Variants in DCUN1D5 observed in about 807,000 individuals in gnomAD.
DCUN1D5 encodes the protein DCN1-like protein 5.
In DCUN1D5, 10 loss-of-function variants were observed where a neutral mutation model predicts 38.3. The ratio of observed to expected loss-of-function variants is 0.26; its 90% CI spans 0.16 to 0.44. The LOEUF is 0.44. DCUN1D5 is among the 20% of genes least tolerant of loss of function. The probability of loss-of-function intolerance (pLI) is 1.00; values close to 1 mark genes in which losing one functional copy is unlikely to be tolerated. For synonymous variants in DCUN1D5, 93 were observed against 90.9 expected, an observed-to-expected ratio of 1.02 and a Z score of -0.13; for missense variants, 148 against 275.3, an observed-to-expected ratio of 0.54 and a Z score of 3.27.
chr11:103,089,024 T>C (rs1233070235), intron 2 of DCUN1D5, among the ~76,000 whole-genome samples: 1 of 152,178 alleles, frequency 6.6e-6, no homozygotes, highest in Non-Finnish European at 1.5e-5. Context: ...TCCCAGTAAA[T>C]ATATACCGAA....
In DCUN1D5 at chr11:103,083,666, T is replaced by G. The variant is rs928817257; in HGVS notation, c.179-340A>C. On this transcript the variant is annotated intron_variant, in intron 2 of 7. Transcript: ENST00000260247. This position sits in a 1 kb window ranked among gnomAD's most constrained non-coding sequence, Gnocchi z 4.4. Reference sequence around the variant, plus strand: ...CTACTCTGAATAAAATTTTTGACAATGCATGAATATGAAAAAACATAAGGC... The same window carrying G: ...CTACTCTGAATAAAATTTTTGACAAGGCATGAATATGAAAAAACATAAGGC... 6.6e-6 allele frequency among the ~76,000 whole-genome samples: 1 copy of G among 151,558 alleles called. No homozygotes were observed. Among genetic ancestry groups the G allele is most frequent in the African/African-American group, 2.4e-5 (1 of 41,244 alleles).
In DCUN1D5 at chr11:103,083,297, T is replaced by A; in HGVS notation, c.208A>T (p.Met70Leu). ...CCAATGTCTTCACAAAATTTTTCCA[T>A]TCCTTCTGGCCCTACAACTTCATCA... ...GPDEVVGPEG[M>L]EKFCEDIGVE... Residue 70 changes from methionine to leucine, a missense_variant, in exon 3 of 8, where the codon ATG becomes TTG. Transcript: ENST00000260247. The surrounding 1 kb of genome is among the most constrained non-coding windows in gnomAD (Gnocchi z 4.4). The A allele has an allele frequency of 6.2e-7, 1 of 1,603,182 alleles. No individual in the cohort carries two copies. Among genetic ancestry groups the A allele is most frequent in the Middle Eastern group, 1.7e-4 (1 of 6,034 alleles).
chr11:103,079,585 T>G (rs1862501846), intron 4 of DCUN1D5, among the ~76,000 whole-genome samples: 1 of 147,818 alleles, frequency 6.8e-6, no homozygotes, highest in East Asian at 2.0e-4. Flanking sequence ...AGCCCAGGAG[T>G]TTGAGACCAG....
At chr11:103,080,018 C>G (rs550111214) in intron 4 of DCUN1D5, 2 of 152,030 alleles carry the variant, frequency 1.3e-5, no homozygotes, top group African/African-American at 4.8e-5. Context: ...AGAAAACAAA[C>G]GAATGTTAAC....
chr11:103,077,457 A>G lies in DCUN1D5; in HGVS notation c.341+5291T>C, dbSNP rs1326828451. 1.3e-5 allele frequency among the ~76,000 whole-genome samples: 2 copies of G among 152,248 alleles called. No homozygotes were observed. The highest frequency in any genetic ancestry group is 2.9e-5 in the Non-Finnish European group (2 of 68,044). ...TGGAAAGCAAGAGATAGTTTTCCAA[A>G]TAACAACCAAATAAAACCACACAGA... On this transcript the variant is annotated intron_variant, in intron 4 of 7. Transcript: ENST00000260247. This position sits in a 1 kb window ranked among gnomAD's most constrained non-coding sequence, Gnocchi z 4.3.
Position 103,086,157 on chromosome 11 carries a change from G to A in DCUN1D5, c.179-2831C>T, listed in dbSNP as rs980119444. The stretch of plus-strand genomic sequence containing the variant: ...CTATATCTGCAAGGCCTAATACCAT[G>A]CCAGCCATAACAGATGCTTAGGGGG... On this transcript the variant is annotated intron_variant, in intron 2 of 7. Transcript: ENST00000260247. The surrounding 1 kb of genome is among the most constrained non-coding windows in gnomAD (Gnocchi z 4.1). Among the ~76,000 whole-genome samples, 1 of 151,616 alleles carries A rather than the reference G, an allele frequency of 6.6e-6. No homozygotes were observed. The highest frequency in any genetic ancestry group is 1.9e-4 in the East Asian group (1 of 5,156).
At chr11:103,089,136 G>A in intron 2 of DCUN1D5, 91 bp downstream of exon 2, 3 of 1,279,774 alleles carry the variant, frequency 2.3e-6, no homozygotes, top group South Asian at 2.7e-5. Flanking sequence ...CTAACACATA[G>A]CAGGCCTGTA....
chr11:103,090,341 G>GT (rs991205221), intron 1 of DCUN1D5, among the ~76,000 whole-genome samples: 1 of 152,160 alleles, frequency 6.6e-6, no homozygotes, highest in African/African-American at 2.4e-5. Context: ...AACAAGAGGT[G>GT]TATGTATCAT....
At chr11:103,074,165 C>A (rs4430479) in intron 4 of DCUN1D5, among the ~76,000 whole-genome samples, 6,811 of 152,180 alleles carry the variant, frequency 0.045, 210 homozygotes, top group Non-Finnish European at 0.063. Flanking sequence ...CTGCAAAAGA[C>A]CTTGTTACAG....
Position 103,064,288 on chromosome 11 carries a change from A to C in DCUN1D5, c.645T>G (p.Asp215Glu). The C allele has an allele frequency of 6.2e-7, 1 of 1,609,412 alleles. No individual in the cohort carries two copies. Among genetic ancestry groups the C allele is most frequent in the Non-Finnish European group, 8.5e-7 (1 of 1,178,780 alleles). ...TGTTATACTTACAAGCACCATCTTC[A>C]TCATAGTTACTAAGATCAGCATGGA... Reference protein sequence around the residue: ...RTVHADLSNYDEDGAWPVLLD... With the variant: ...RTVHADLSNYEEDGAWPVLLD... Residue 215 changes from aspartate (D) to glutamate (E), a missense_variant, in exon 7 of 8, where the codon GAT becomes GAG. Physicochemically the swap from Asp to Glu is conservative, Grantham distance 45 (BLOSUM62 2). Transcript: ENST00000260247. The surrounding 1 kb of genome is among the most constrained non-coding windows in gnomAD (Gnocchi z 4.5).
chr11:103,091,710 C>T lies in DCUN1D5; in HGVS notation c.86+77G>A, dbSNP rs749089630. 5 of 1,610,886 alleles carry T rather than the reference C, an allele frequency of 3.1e-6. No individual in the cohort carries two copies. In the South Asian group the frequency reaches 3.3e-5, roughly 11 times the overall value. ...TGTCTCCAGCCCCAGCCCGGCAGGC[C>T]GGGCCCGACTCCTTTTCCTCCAGTT... On this transcript the variant is annotated intron_variant, in intron 1 of 7. Coordinates refer to ENST00000260247, the MANE Select transcript of DCUN1D5 (RefSeq NM_032299.4). This position sits in a 1 kb window ranked among gnomAD's most constrained non-coding sequence, Gnocchi z 4.3.
rs781478090 is a variant in DCUN1D5, at chr11:103,082,850, C to A, written c.250-11G>T. 6.2e-7 allele frequency: 1 copy of A among 1,604,054 alleles called. No homozygotes were observed. Among genetic ancestry groups the A allele is most frequent in the Non-Finnish European group, 8.5e-7 (1 of 1,171,840 alleles). ...AACTAACATAATAATCTGGAAAGAA[C>A]AGAACATAAAGGATAGGGGAAAAGT... On this transcript the variant is annotated splice_polypyrimidine_tract_variant and intron_variant, in intron 3 of 7. Coordinates refer to ENST00000260247, the MANE Select transcript of DCUN1D5 (RefSeq NM_032299.4).
chr11:103,055,719 C>T lies in DCUN1D5; in HGVS notation c.*6640G>A, dbSNP rs1300827090. The stretch of plus-strand genomic sequence containing the variant: ...TCAATTAAGTTCTATCCTCTGGCTA[C>T]ACTTACTCTCTAAGTGGTTTCATCC... On this transcript the variant is annotated 3_prime_UTR_variant, in exon 8 of 8. Coordinates refer to ENST00000260247, the MANE Select transcript of DCUN1D5 (RefSeq NM_032299.4). 2 of 152,172 alleles carry T rather than the reference C, an allele frequency of 1.3e-5. No homozygotes were observed. Among genetic ancestry groups the T allele is most frequent in the Non-Finnish European group, 2.9e-5 (2 of 68,016 alleles). 9.4% of individuals were successfully genotyped at this position (152,172 alleles called of 1,614,324 possible).
chr11:103,077,325 G>A lies in DCUN1D5; in HGVS notation c.341+5423C>T, dbSNP rs74706459. Among the ~76,000 whole-genome samples, 2,358 of 152,122 alleles carry A rather than the reference G, an allele frequency of 0.016. 57 individuals are homozygous for A. Among genetic ancestry groups the A allele is most frequent in the African/African-American group, 0.052 (2,179 of 41,510 alleles). The stretch of plus-strand genomic sequence containing the variant: ...CTAACAGCAATACAATTTTTATATC[G>A]AATCTAGCTCCAAAATACTAACATC... On this transcript the variant is annotated intron_variant, in intron 4 of 7. Transcript: ENST00000260247. The surrounding 1 kb of genome is among the most constrained non-coding windows in gnomAD (Gnocchi z 4.3).
chr11:103,052,739 G>C lies in DCUN1D5; in HGVS notation c.*9620C>G, dbSNP rs1861774024. On this transcript the variant is annotated 3_prime_UTR_variant, in exon 8 of 8. Transcript: ENST00000260247. Reference sequence around the variant, plus strand: ...TAGTTCTAGTGTAAGTATTTCCAAAGATACTTGGAATATTTTTCATGTTAT... The same window carrying C: ...TAGTTCTAGTGTAAGTATTTCCAAACATACTTGGAATATTTTTCATGTTAT... 6.6e-6 allele frequency: 1 copy of C among 152,074 alleles called. No individual in the cohort carries two copies. Among genetic ancestry groups the C allele is most frequent in the Admixed American group, 6.6e-5 (1 of 15,254 alleles). The allele number at this position is 152,074 out of a possible 1,614,324, so 9.4% of individuals were successfully genotyped here.
chr11:103,074,624 T>TA (rs1169414899), intron 4 of DCUN1D5, among the ~76,000 whole-genome samples: 1 of 152,222 alleles, frequency 6.6e-6, no homozygotes, highest in African/African-American at 2.4e-5. Flanking sequence ...CAGGATGGTC[T>TA]CAATCTCCTG....
chr11:103,085,385 C>T (rs1862677072), intron 2 of DCUN1D5, among the ~76,000 whole-genome samples: 1 of 151,968 alleles, frequency 6.6e-6, no homozygotes, highest in Non-Finnish European at 1.5e-5. Context: ...TGCAGTGAGC[C>T]GAGATTGCGC....
rs1375537105 is a variant in DCUN1D5, at chr11:103,087,662, C to T, written c.178+1565G>A. On this transcript the variant is annotated intron_variant, in intron 2 of 7. Coordinates refer to ENST00000260247, the MANE Select transcript of DCUN1D5 (RefSeq NM_032299.4). The surrounding 1 kb of genome is among the most constrained non-coding windows in gnomAD (Gnocchi z 4.1). ...GAGACCCTGTCTCAAAAAATAAAGT[C>T]GTAGTGGGAGGTGGTGATAATACTA... Among the ~76,000 whole-genome samples the T allele has an allele frequency of 2.6e-5, 4 of 152,052 alleles. No homozygotes were observed. Among genetic ancestry groups the T allele is most frequent in the Admixed American group, 2.6e-4 (4 of 15,270 alleles).
rs72987600 is a variant in DCUN1D5, at chr11:103,077,314, A to G, written c.341+5434T>C. 1.9e-3 allele frequency among the ~76,000 whole-genome samples: 288 copies of G among 152,348 alleles called. 1 individual carries two copies. The highest frequency in any genetic ancestry group is 2.5e-3 in the Non-Finnish European group (168 of 68,032). The stretch of plus-strand genomic sequence containing the variant: ...CGAAGCAGTTACTAACAGCAATACA[A>G]TTTTTATATCGAATCTAGCTCCAAA... On this transcript the variant is annotated intron_variant, in intron 4 of 7. Coordinates refer to ENST00000260247, the MANE Select transcript of DCUN1D5 (RefSeq NM_032299.4). This position sits in a 1 kb window ranked among gnomAD's most constrained non-coding sequence, Gnocchi z 4.3.
Sources: allele counts gnomAD v4.1 joint callset (sites outside exome capture counted in the v4.1 genomes callset), GRCh38; gene constraint gnomAD v4.1.1; non-coding constraint Gnocchi (gnomAD v3.1); transcripts MANE v1.5; gene names NCBI Gene and HGNC (gene_info 2026-07-23, HGNC 2026-07-21).